Variants in SHTN1 observed in about 807,000 individuals in gnomAD.
SHTN1 encodes the protein shootin-1.
SHTN1 carries 42 observed loss-of-function variants against 83.1 expected under a neutral mutation model. The ratio of observed to expected loss-of-function variants is 0.51; its 90% confidence interval spans 0.39 to 0.65. SHTN1 has a LOEUF of 0.65. Ranked by LOEUF, SHTN1 falls within the 30% of genes least tolerant of loss-of-function variation. The pLI, the probability that SHTN1 is intolerant of heterozygous loss-of-function variation, is 0.00. For missense variants in SHTN1, 622 were observed against 737.8 expected (o/e 0.84, Z 1.82); for synonymous variants, 224 against 247.7 (o/e 0.90, Z 0.90).
chr10:116,886,251 A>G lies in SHTN1; in HGVS notation c.*93T>C. On this transcript the variant is annotated 3_prime_UTR_variant, in exon 17 of 17. Coordinates refer to ENST00000355371, the MANE Select transcript of SHTN1 (RefSeq NM_001127211.3). The stretch of plus-strand genomic sequence containing the variant: ...CCTGTATTCTGAATACAGTGACCAG[A>G]GCAGAATGTCTACAGCCCTTGCCAA... The G allele has an allele frequency of 6.6e-7, 1 of 1,507,672 alleles. No individual in the cohort carries two copies. Among genetic ancestry groups the G allele is most frequent in the East Asian group, 2.5e-5 (1 of 40,612 alleles). 93.4% of individuals were successfully genotyped at this position (1,507,672 alleles called of 1,614,324 possible).
chr10:116,912,715 A>G (rs531524068), intron 13 of SHTN1, among the ~76,000 whole-genome samples: 1 of 152,214 alleles, frequency 6.6e-6, no homozygotes, highest in East Asian at 1.9e-4. Context: ...CCCTCGTACC[A>G]CTTCCTTTCA....
chr10:116,985,394 G>A lies in SHTN1; in HGVS notation c.59-6086C>T, dbSNP rs146665131. Among the ~76,000 whole-genome samples, 857 of 152,304 alleles carry A rather than the reference G, an allele frequency of 5.6e-3. 29 individuals are homozygous for A. The highest frequency in any genetic ancestry group is 0.045 in the Admixed American group (696 of 15,300). On this transcript the variant is annotated intron_variant, in intron 1 of 16. Transcript: ENST00000355371. ...ACTCCCAGAGTCATTCATCCAAAAAGACATTACTGAGCATTACTGTGTGCA... is the reference window on the plus strand; with the variant it reads ...ACTCCCAGAGTCATTCATCCAAAAAAACATTACTGAGCATTACTGTGTGCA...
rs561935793 is a variant in SHTN1 at position 116,975,149 on chromosome 10, T to C, written c.111+4107A>G. 3.3e-3 allele frequency among the ~76,000 whole-genome samples: 505 copies of C among 152,304 alleles called. 4 individuals carry two copies. The highest frequency in any genetic ancestry group is 5.3e-3 in the Non-Finnish European group (360 of 68,028). On this transcript the variant is annotated intron_variant, in intron 2 of 16. Coordinates refer to ENST00000355371, the MANE Select transcript of SHTN1 (RefSeq NM_001127211.3). ...TTTCCATAATCCCCATTTATCTTGA[T>C]GTTAAAAAAACTCGCTGTTTTTACA... is the stretch of plus-strand genomic sequence containing the variant.
In SHTN1 at chr10:116,915,386, G is replaced by A. The variant is rs1848349320; in HGVS notation, c.1294C>T (p.Pro432Ser). 5 of 1,569,462 alleles carry A rather than the reference G, an allele frequency of 3.2e-6. No individual in the cohort carries two copies. The highest frequency in any genetic ancestry group is 4.4e-6 in the Non-Finnish European group (5 of 1,139,530). ...CAGTCACTCCATACCTTTGTCTTCGGTCTGGCTGTCTGATTAACGGGTCTA... is the reference window on the plus strand; with the variant it reads ...CAGTCACTCCATACCTTTGTCTTCGATCTGGCTGTCTGATTAACGGGTCTA... Reference protein sequence around the residue: ...HLRPVNQTARPKTKPESSKGC... With the variant: ...HLRPVNQTARSKTKPESSKGC... Residue 432 changes from proline to serine, a missense_variant, in exon 13 of 17, where the codon CCG becomes TCG. By Grantham distance (74) the Pro-to-Ser change is moderately conservative. Transcript: ENST00000355371.
Position 116,884,496 on chromosome 10 carries a change from T to C in SHTN1, c.*1848A>G, listed in dbSNP as rs1847108437. ...TAACACATTTCACCCAAAGGGCAAC[T>C]TCTTACTCTAGAAAGGAGGGTATTT... On this transcript the variant is annotated 3_prime_UTR_variant, in exon 17 of 17. Coordinates refer to ENST00000355371, the MANE Select transcript of SHTN1 (RefSeq NM_001127211.3). The C allele has an allele frequency of 3.0e-6, 1 of 335,190 alleles. No homozygotes were observed. Among genetic ancestry groups the C allele is most frequent in the Non-Finnish European group, 5.9e-6 (1 of 168,202 alleles). The allele number at this position is 335,190 out of a possible 1,614,324, so 20.8% of individuals were successfully genotyped here. A position where few individuals can be genotyped will look rare whatever the true frequency, so the allele number is the denominator to read the frequency against.
At chr10:116,996,669 AT>A (rs1400017273) in intron 1 of SHTN1, among the ~76,000 whole-genome samples, 1 of 152,116 alleles carries the variant, frequency 6.6e-6, no homozygotes, top group Non-Finnish European at 1.5e-5. Context: ...CTTATTAAGT[AT>A]TTGTATGCTT....
intron 1 of SHTN1, among the ~76,000 whole-genome samples, chr10:117,109,294 G>A (rs1166866317): frequency 6.6e-6 from 1 of 152,076 alleles, no homozygotes; most frequent in Non-Finnish European, 1.5e-5. Context: ...GCCTTACAGG[G>A]TTGTTGTAAG....
chr10:116,941,088 C>G (rs1012396114), intron 8 of SHTN1, among the ~76,000 whole-genome samples: 2 of 152,270 alleles, frequency 1.3e-5, no homozygotes, highest in Admixed American at 6.5e-5. Context: ...ACAACACTAT[C>G]AAGTAGACAC....
intron 1 of SHTN1, among the ~76,000 whole-genome samples, chr10:116,986,792 G>A (rs924531460): frequency 5.7e-5 from 8 of 141,416 alleles, no homozygotes; most frequent in South Asian, 2.2e-4. Flanking sequence ...AGTGCAGTGC[G>A]ATCTCGGCTC....
intron 1 of SHTN1, among the ~76,000 whole-genome samples, chr10:117,090,604 T>G (rs1304567279): frequency 6.6e-6 from 1 of 152,190 alleles, no homozygotes; most frequent in East Asian, 1.9e-4. Flanking sequence ...CACCATTGGG[T>G]GGGCTCAAAT....
intron 1 of SHTN1, among the ~76,000 whole-genome samples, chr10:117,089,811 T>C (rs2133619265): frequency 6.6e-6 from 1 of 152,026 alleles, no homozygotes; most frequent in East Asian, 1.9e-4. Flanking sequence ...ATTATGGAAA[T>C]ACTAGGAAAA....
chr10:117,011,482 C>A (rs1463598145), intron 2 of SHTN1, among the ~76,000 whole-genome samples: 2 of 152,152 alleles, frequency 1.3e-5, no homozygotes, highest in Non-Finnish European at 2.9e-5. Context: ...AGTACCATCT[C>A]TATTCATAGA....
intron 1 of SHTN1, among the ~76,000 whole-genome samples, chr10:117,096,723 C>G (rs970808240): frequency 1.3e-5 from 2 of 152,204 alleles, no homozygotes; most frequent in African/African-American, 2.4e-5. Flanking sequence ...GGAGCCGCCA[C>G]CAGGCTGCCT....
intron 1 of SHTN1, among the ~76,000 whole-genome samples, chr10:117,069,624 T>G (rs1853052559): frequency 6.6e-6 from 1 of 152,214 alleles, no homozygotes; most frequent in South Asian, 2.1e-4. Context: ...TTACTATTAT[T>G]AAGTAAATTA....
At chr10:116,960,271 T>C (rs1411700234) in intron 3 of SHTN1, 41 bp from the exon 4 acceptor site, 4 of 1,110,634 alleles carry the variant, frequency 3.6e-6, no homozygotes, top group Non-Finnish European at 5.5e-6. Flanking sequence ...ATTCAAAGAT[T>C]AGTCAGCTAT....
intron 1 of SHTN1, among the ~76,000 whole-genome samples, chr10:116,997,516 G>C (rs1176296575): frequency 6.6e-6 from 1 of 152,152 alleles, no homozygotes; most frequent in Non-Finnish European, 1.5e-5. Context: ...TGACAGTTGG[G>C]AGAAGTGCTG....
At chr10:117,092,847 G>A (rs1414277812) in intron 1 of SHTN1, among the ~76,000 whole-genome samples, 3 of 152,272 alleles carry the variant, frequency 2.0e-5, no homozygotes, top group South Asian at 2.1e-4. Flanking sequence ...AAGGGTATGG[G>A]CTCATATGTA....
At position 116,988,175 on chromosome 10, in the gene SHTN1, G is replaced by A. The variant is rs142370679; in HGVS notation, c.59-8867C>T. On this transcript the variant is annotated intron_variant, in intron 1 of 16. Coordinates refer to ENST00000355371, the MANE Select transcript of SHTN1 (RefSeq NM_001127211.3). ...TAACAAATGTACCACATTAATTAAA[G>A]CAAGATGTTAATAATAGTAGAAATG... Among the ~76,000 whole-genome samples the A allele has an allele frequency of 9.7e-4, 148 of 152,184 alleles. 1 individual carries two copies. The highest frequency in any genetic ancestry group is 3.3e-3 in the African/African-American group (139 of 41,544).
At chr10:117,122,032 AAAAAAT>A (rs1345144808) in intron 1 of SHTN1, among the ~76,000 whole-genome samples, 2 of 152,182 alleles carry the variant, frequency 1.3e-5, no homozygotes, top group African/African-American at 2.4e-5. Flanking sequence ...ACCCCATCTC[AAAAAAT>A]AAAAATAAAA....
Sources: allele counts gnomAD v4.1 joint callset (sites outside exome capture counted in the v4.1 genomes callset), GRCh38; gene constraint gnomAD v4.1.1; transcripts MANE v1.5; gene names NCBI Gene and HGNC (gene_info 2026-07-23, HGNC 2026-07-21).